The following DPP6 variants were observed in gnomAD, a reference collection of about 807,000 sequenced individuals.
DPP6 encodes the protein dipeptidyl peptidase like 6.
In DPP6, 69 loss-of-function variants were observed where a neutral mutation model predicts 122.6. The observed-to-expected ratio is 0.56, with a 90% confidence interval of 0.46 to 0.69. The LOEUF is 0.69. Ranked by LOEUF, DPP6 falls within the 30% of genes least tolerant of loss-of-function variation. The pLI, the probability that DPP6 is intolerant of heterozygous loss-of-function variation, is 0.00. For synonymous variants in DPP6, 418 were observed against 433.1 expected (o/e 0.97, Z 0.43); for missense variants, 928 against 1,116.9 (o/e 0.83, Z 2.41).
rs1804379877 is a variant in DPP6 at position 154,279,684 on chromosome 7, GA to G, written c.244-166527del. Among the ~76,000 whole-genome samples, 2 of 152,224 alleles carry G rather than the reference GA, an allele frequency of 1.3e-5. 1 individual carries two copies. Among genetic ancestry groups the G allele is most frequent in the Admixed American group, 1.3e-4 (2 of 15,278 alleles). On this transcript the variant is annotated intron_variant, in intron 1 of 25. Transcript: ENST00000377770. Reference sequence around the variant, plus strand: ...GAAAAGGGTGTTGATGTGTCCCCCAGAAATGGGGAAGGTGCTGAATGGAAAC... The same window carrying G: ...GAAAAGGGTGTTGATGTGTCCCCCAGAATGGGGAAGGTGCTGAATGGAAAC...
chr7:154,090,795 G>T (rs1465172044), intron 1 of DPP6, among the ~76,000 whole-genome samples: 10 of 149,602 alleles, frequency 6.7e-5, no homozygotes, highest in Non-Finnish European at 1.5e-4. Flanking sequence ...TATTAGCCTG[G>T]AGCCATAAAT....
At chr7:153,990,783 A>G (rs1447774458) in intron 1 of DPP6, among the ~76,000 whole-genome samples, 1 of 152,190 alleles carries the variant, frequency 6.6e-6, no homozygotes, top group East Asian at 1.9e-4. Flanking sequence ...CACATTTAAC[A>G]TAATTGTAAA....
At chr7:153,951,130 A>G (rs934453540) in intron 1 of DPP6, among the ~76,000 whole-genome samples, 3 of 152,140 alleles carry the variant, frequency 2.0e-5, no homozygotes, top group East Asian at 1.9e-4. Context: ...CAAAGTTCCC[A>G]TTGTCTATCC....
At chr7:154,274,878 T>A (rs1022482271) in intron 1 of DPP6, among the ~76,000 whole-genome samples, 1 of 152,248 alleles carries the variant, frequency 6.6e-6, no homozygotes. Context: ...AGTGGAACCT[T>A]CTTTTAAATA....
chr7:154,441,403 T>G (rs1336769817), intron 1 of DPP6, among the ~76,000 whole-genome samples: 7 of 152,248 alleles, frequency 4.6e-5, no homozygotes, highest in African/African-American at 1.7e-4. Context: ...TTATAAATTA[T>G]AGTGTGCTTT....
At chr7:154,350,551 C>T (rs13229985) in intron 1 of DPP6, among the ~76,000 whole-genome samples, 14,681 of 152,158 alleles carry the variant, frequency 0.096, 842 homozygotes, top group South Asian at 0.16. Context: ...TCTAGATCAG[C>T]GGTGTCCACT....
intron 3 of DPP6, among the ~76,000 whole-genome samples, chr7:154,498,146 T>C (rs932575079): frequency 3.3e-5 from 5 of 152,174 alleles, no homozygotes; most frequent in African/African-American, 1.2e-4. Context: ...CCACAGTTGA[T>C]ACAGCTCAGA....
chr7:154,873,071 GGTCT>G (rs1179109083), intron 19 of DPP6, among the ~76,000 whole-genome samples: 1 of 152,248 alleles, frequency 6.6e-6, no homozygotes, highest in Non-Finnish European at 1.5e-5. Context: ...TGAGCCCGTG[GGTCT>G]CACTGGCTGG....
In DPP6 at chr7:154,259,471, A is replaced by G. The variant is rs568371114; in HGVS notation, c.244-186743A>G. Among the ~76,000 whole-genome samples, 8 of 152,234 alleles carry G rather than the reference A, an allele frequency of 5.3e-5. No homozygotes were observed. In the South Asian group the frequency reaches 1.4e-3, roughly 28 times the overall value. On this transcript the variant is annotated intron_variant, in intron 1 of 25. Coordinates refer to ENST00000377770, the MANE Select transcript of DPP6 (RefSeq NM_130797.4). ...TCAAAGAAGTTTGTTGCAAGAGGCAATTCCGGAAGAAATGACCTAAGCAAA... is the reference window on the plus strand; with the variant it reads ...TCAAAGAAGTTTGTTGCAAGAGGCAGTTCCGGAAGAAATGACCTAAGCAAA...
At chr7:154,621,409 C>T (rs183015082) in intron 5 of DPP6, among the ~76,000 whole-genome samples, 27 of 152,322 alleles carry the variant, frequency 1.8e-4, no homozygotes, top group Admixed American at 1.6e-3. Context: ...CACTCTGTCG[C>T]CCAGGCTAGA....
intron 20 of DPP6, among the ~76,000 whole-genome samples, chr7:154,879,174 G>A (rs534350615): frequency 6.6e-4 from 100 of 152,348 alleles, no homozygotes; most frequent in African/African-American, 2.3e-3. Flanking sequence ...TGGGCATGGT[G>A]GCTCACGCCT....
chr7:154,626,321 A>G (rs1324014499), intron 5 of DPP6, among the ~76,000 whole-genome samples: 2 of 152,236 alleles, frequency 1.3e-5, no homozygotes, highest in Non-Finnish European at 2.9e-5. Flanking sequence ...TTTGAAACGC[A>G]TATTTGGAAA....
intron 18 of DPP6, among the ~76,000 whole-genome samples, chr7:154,868,631 C>T (rs1392253669): frequency 6.6e-6 from 1 of 152,200 alleles, no homozygotes; most frequent in Non-Finnish European, 1.5e-5. Context: ...TGGGCACTAA[C>T]TCTGTGCTAG....
chr7:154,228,326 G>T (rs111603155), intron 1 of DPP6, among the ~76,000 whole-genome samples: 2,766 of 152,192 alleles, frequency 0.018, 83 homozygotes, highest in African/African-American at 0.063. Context: ...AGGGTCCTTG[G>T]CTCATCAAAC....
At chr7:154,256,455 G>A (rs192591349) in intron 1 of DPP6, among the ~76,000 whole-genome samples, 1 of 152,180 alleles carries the variant, frequency 6.6e-6, no homozygotes, top group African/African-American at 2.4e-5. Flanking sequence ...CATGACGGGC[G>A]CATGGAAAGG....
chr7:154,771,426 G>C (rs955797317), intron 9 of DPP6, among the ~76,000 whole-genome samples: 1 of 152,250 alleles, frequency 6.6e-6, no homozygotes, highest in African/African-American at 2.4e-5. Flanking sequence ...GGGCAAGAGA[G>C]GGCTCTGGTG....
At position 154,887,715 on chromosome 7, in the gene DPP6, T is replaced by G. The variant is rs1305531304; in HGVS notation, c.2285T>G (p.Leu762Arg). 1.9e-6 allele frequency: 3 copies of G among 1,613,808 alleles called. No individual in the cohort carries two copies. Among genetic ancestry groups the G allele is most frequent in the Non-Finnish European group, 2.5e-6 (3 of 1,179,842 alleles). Residue 762 changes from leucine (L) to arginine (R), a missense_variant, in exon 23 of 26, where the codon CTT becomes CGT. Leu to Arg is a moderately radical substitution (Grantham distance 102). Transcript: ENST00000377770. ...GAGAGGTACTTGGGCCTCCATGGACTTGACAACAGAGCATACGAGGTGTGT... is the reference window on the plus strand; with the variant it reads ...GAGAGGTACTTGGGCCTCCATGGACGTGACAACAGAGCATACGAGGTGTGT... ...FSERYLGLHG[L>R]DNRAYEMTKV...
intron 1 of DPP6, among the ~76,000 whole-genome samples, chr7:154,291,504 C>T (rs1488315540): frequency 6.6e-6 from 1 of 152,204 alleles, no homozygotes; most frequent in Non-Finnish European, 1.5e-5. Flanking sequence ...CACGGCTTCT[C>T]CTCTCTCTAC....
At chr7:153,989,664 A>G (rs1038767008) in intron 1 of DPP6, among the ~76,000 whole-genome samples, 2 of 151,978 alleles carry the variant, frequency 1.3e-5, no homozygotes, top group Non-Finnish European at 2.9e-5. Context: ...CTTGCCCCAG[A>G]ATGAGCTTGA....
Sources: allele counts gnomAD v4.1 joint callset (sites outside exome capture counted in the v4.1 genomes callset), GRCh38; gene constraint gnomAD v4.1.1; transcripts MANE v1.5; gene names NCBI Gene and HGNC (gene_info 2026-07-23, HGNC 2026-07-21).